The following RNF24 variants were observed in gnomAD, a reference collection of about 807,000 sequenced individuals.
RNF24 encodes the protein ring finger protein 24.
RNF24 carries 14 observed loss-of-function variants against 20.0 expected under a neutral mutation model. That is an observed-to-expected ratio of 0.70 (90% CI 0.46 to 1.10). RNF24 has a LOEUF of 1.10. Ranked by LOEUF, RNF24 falls within the 50% of genes least tolerant of loss-of-function variation. The pLI is 0.00. For missense variants in RNF24, 124 were observed against 177.6 expected, an observed-to-expected ratio of 0.70 and a Z score of 1.71; for synonymous variants, 45 against 61.1, an observed-to-expected ratio of 0.74 and a Z score of 1.23.
At chr20:3,944,281 C>T (rs241629) in intron 4 of RNF24, among the ~76,000 whole-genome samples, 47,174 of 151,038 alleles carry the variant, frequency 0.31, 8,073 homozygotes, top group African/African-American at 0.46. Flanking sequence ...TCTAAAATGC[C>T]ATTAAACAGA....
intron 1 of RNF24, among the ~76,000 whole-genome samples, chr20:3,989,128 A>G (rs1282648246): frequency 6.6e-6 from 1 of 152,202 alleles, no homozygotes; most frequent in Admixed American, 6.5e-5. Flanking sequence ...AGAGGACAAG[A>G]GTGGTAAAAA....
intron 1 of RNF24, among the ~76,000 whole-genome samples, chr20:4,007,059 A>G (rs1981929294): frequency 6.6e-6 from 1 of 152,220 alleles, no homozygotes; most frequent in Non-Finnish European, 1.5e-5. Context: ...CCCACTACCT[A>G]CCTAGGTAAG....
chr20:4,014,245 C>T (rs2122183247), intron 1 of RNF24, among the ~76,000 whole-genome samples: 1 of 152,342 alleles, frequency 6.6e-6, no homozygotes, highest in African/African-American at 2.4e-5. Context: ...ATAAAACCCT[C>T]TGCCAAAGCA....
chr20:4,007,778 T>C (rs1184190275), intron 1 of RNF24, among the ~76,000 whole-genome samples: 3 of 148,926 alleles, frequency 2.0e-5, no homozygotes, highest in Non-Finnish European at 3.0e-5. Context: ...TAGCCTGGCA[T>C]GCTGGTGTGT....
At chr20:3,953,634 T>C (rs971126660) in intron 2 of RNF24, among the ~76,000 whole-genome samples, 1 of 151,980 alleles carries the variant, frequency 6.6e-6, no homozygotes, top group Non-Finnish European at 1.5e-5. Context: ...CCGGCTAATT[T>C]CTGTATTTTA....
rs1352175976 is a variant in RNF24, at chr20:3,957,592, A to G, written c.143+6283T>C. Among the ~76,000 whole-genome samples, 3 of 152,096 alleles carry G rather than the reference A, an allele frequency of 2.0e-5. No homozygotes were observed. The South Asian group carries it at 6.2e-4, about 32-fold the overall frequency. On this transcript the variant is annotated intron_variant, in intron 2 of 5. Coordinates refer to ENST00000358395, the MANE Select transcript of RNF24 (RefSeq NM_001134337.3). Reference sequence around the variant, plus strand: ...TTTAATTAGATCTGCATGTTTTCCCAAAACTGAACTTGTTACTTCCAGCTA... The same window carrying G: ...TTTAATTAGATCTGCATGTTTTCCCGAAACTGAACTTGTTACTTCCAGCTA...
At chr20:3,984,456 C>T (rs1423382631) in intron 1 of RNF24, among the ~76,000 whole-genome samples, 1 of 152,134 alleles carries the variant, frequency 6.6e-6, no homozygotes, top group Admixed American at 6.5e-5. Context: ...AGCCTCAGCA[C>T]CTAAGCTGGC....
rs139037742 is a variant in RNF24, at chr20:3,934,103, G to T, written c.407C>A (p.Pro136His). ...AQLHSKQDRG[P>H]PQGPLPGAEN... ...TGCCCCAGGAAGGGGCCCCTGAGGG[G>T]GTCCACGGTCCTGCTTACTGTGCAA... Residue 136 changes from proline (P) to histidine (H), a missense_variant, in exon 6 of 6, where the codon CCC (proline) becomes CAC (histidine). Physicochemically the swap from Pro to His is moderately conservative, Grantham distance 77. Transcript: ENST00000358395. This position sits in a 1 kb window ranked among gnomAD's most constrained non-coding sequence, Gnocchi z 4.0. 4 of 1,540,406 alleles carry T rather than the reference G, an allele frequency of 2.6e-6. No homozygotes were observed. In the East Asian group the frequency reaches 9.7e-5, roughly 38 times the overall value.
chr20:3,937,755 A>G (rs2090908534), intron 4 of RNF24, among the ~76,000 whole-genome samples: 1 of 152,220 alleles, frequency 6.6e-6, no homozygotes, highest in Non-Finnish European at 1.5e-5. Context: ...TAATGTCTTC[A>G]AGGTTCATCT....
At position 3,932,408 on chromosome 20, in the gene RNF24, C is replaced by T. The variant is rs1713732850; in HGVS notation, c.*1655G>A. On this transcript the variant is annotated 3_prime_UTR_variant, in exon 6 of 6. Coordinates refer to ENST00000358395, the MANE Select transcript of RNF24 (RefSeq NM_001134337.3). ...CAGTTGGCATACCACGAATAGGTCA[C>T]ACATAGGAAATGGCCTATTTTGACC... 6.6e-6 allele frequency: 1 copy of T among 152,554 alleles called. No individual in the cohort carries two copies. 9.5% of individuals were successfully genotyped at this position (152,554 alleles called of 1,614,324 possible). A position where few individuals can be genotyped will look rare whatever the true frequency, so the allele number is the denominator to read the frequency against.
chr20:3,978,930 A>T (rs779487340), intron 1 of RNF24, among the ~76,000 whole-genome samples: 2 of 151,968 alleles, frequency 1.3e-5, no homozygotes, highest in Admixed American at 1.3e-4. Context: ...ACATGGTGAA[A>T]CCCCATCTCT....
Position 3,942,616 on chromosome 20 carries a change from G to A in RNF24, c.228+2561C>T, listed in dbSNP as rs905548138. ...GCCTCCTGAGTAGCTGGGACTACAGGCACCCACCACCACGCCCGGCTAATT... is the reference window on the plus strand; with the variant it reads ...GCCTCCTGAGTAGCTGGGACTACAGACACCCACCACCACGCCCGGCTAATT... On this transcript the variant is annotated intron_variant, in intron 4 of 5. Coordinates refer to ENST00000358395, the MANE Select transcript of RNF24 (RefSeq NM_001134337.3). 3.2e-4 allele frequency among the ~76,000 whole-genome samples: 49 copies of A among 151,914 alleles called. 1 individual carries two copies. Among genetic ancestry groups the A allele is most frequent in the Admixed American group, 2.8e-3 (43 of 15,246 alleles).
At chr20:3,993,613 C>T (rs922116143) in intron 1 of RNF24, among the ~76,000 whole-genome samples, 2 of 152,158 alleles carry the variant, frequency 1.3e-5, no homozygotes, top group African/African-American at 2.4e-5. Context: ...ACCTCTTACT[C>T]TTCCCATGAG....
Position 3,934,788 on chromosome 20 carries a change from C to T in RNF24, c.308+206G>A, listed in dbSNP as rs544153810. On this transcript the variant is annotated intron_variant, in intron 5 of 5. Coordinates refer to ENST00000358395, the MANE Select transcript of RNF24 (RefSeq NM_001134337.3). The surrounding 1 kb of genome is among the most constrained non-coding windows in gnomAD (Gnocchi z 4.0). ...TTTGGCTCTCTGCCCATAGTCCTGA[C>T]GTGGTGGTCACGTTCCACCACTCTG... 3.8e-4 allele frequency among the ~76,000 whole-genome samples: 58 copies of T among 152,256 alleles called. No homozygotes were observed. The highest frequency in any genetic ancestry group is 1.3e-3 in the African/African-American group (54 of 41,546).
chr20:3,954,874 GGGTGAC>G (rs200748398), intron 2 of RNF24, among the ~76,000 whole-genome samples: 2,111 of 151,718 alleles, frequency 0.014, 25 homozygotes, highest in African/African-American at 0.028. Context: ...ACTCTAGCCC[GGGTGAC>G]AGTGCGAGAC....
Position 3,928,481 on chromosome 20 carries a change from G to A in RNF24, c.*5582C>T, listed in dbSNP as rs992971559. The A allele has an allele frequency of 2.0e-5, 3 of 152,200 alleles. No homozygotes were observed. Among genetic ancestry groups the A allele is most frequent in the South Asian group, 4.1e-4 (2 of 4,838 alleles). 9.4% of individuals were successfully genotyped at this position (152,200 alleles called of 1,614,324 possible). On this transcript the variant is annotated 3_prime_UTR_variant, in exon 6 of 6. Coordinates refer to ENST00000358395, the MANE Select transcript of RNF24 (RefSeq NM_001134337.3). Reference sequence around the variant, plus strand: ...CTTAAACTAAAAAAATTATTGGCCGGGCGCAGTGGCTCACGCCTGTAATCC... The same window carrying A: ...CTTAAACTAAAAAAATTATTGGCCGAGCGCAGTGGCTCACGCCTGTAATCC...
At chr20:3,982,720 C>T (rs1979531403) in intron 1 of RNF24, among the ~76,000 whole-genome samples, 1 of 152,058 alleles carries the variant, frequency 6.6e-6, no homozygotes, top group South Asian at 2.1e-4. Context: ...GACCCTGTCT[C>T]TACAAAATTA....
chr20:3,965,095 G>C (rs1395549686), intron 1 of RNF24, among the ~76,000 whole-genome samples: 8 of 152,270 alleles, frequency 5.3e-5, no homozygotes, highest in African/African-American at 1.9e-4. Flanking sequence ...TGCCTCTCCT[G>C]TAAGTGATAA....
At position 4,007,224 on chromosome 20, in the gene RNF24, C is replaced by A. The variant is rs1468030116; in HGVS notation, c.-8+8213G>T. Among the ~76,000 whole-genome samples, 4 of 152,194 alleles carry A rather than the reference C, an allele frequency of 2.6e-5. No homozygotes were observed. In the South Asian group the frequency reaches 8.3e-4, roughly 32 times the overall value. On this transcript the variant is annotated intron_variant, in intron 1 of 5. Transcript: ENST00000358395. ...CAAACTTTCAAAGTAAAAACCAAGA[C>A]AAGTAATAAGAGAATAAGCTAAAAC...
Sources: allele counts gnomAD v4.1 joint callset (sites outside exome capture counted in the v4.1 genomes callset), GRCh38; gene constraint gnomAD v4.1.1; non-coding constraint Gnocchi (gnomAD v3.1); transcripts MANE v1.5; gene names NCBI Gene and HGNC (gene_info 2026-07-23, HGNC 2026-07-21).